NFATC3: variants seen among roughly 807,000 people sequenced by gnomAD.
NFATC3 encodes the protein nuclear factor of activated T cells 3.
NFATC3 carries 46 observed loss-of-function variants against 98.6 expected under a neutral mutation model. The observed-to-expected ratio is 0.47, with a 90% CI of 0.37 to 0.60. The LOEUF is 0.60. NFATC3 is among the 20% of genes least tolerant of loss of function. The pLI is 0.00. For missense variants in NFATC3, 1,256 were observed against 1,295.5 expected, an observed-to-expected ratio of 0.97 and a Z score of 0.47; for synonymous variants, 512 against 472.2, an observed-to-expected ratio of 1.08 and a Z score of -1.09.
intron 1 of NFATC3, among the ~76,000 whole-genome samples, chr16:68,109,797 T>A (rs1464423480): frequency 6.6e-6 from 1 of 152,260 alleles, no homozygotes; most frequent in African/African-American, 2.4e-5. Context: ...TCTGGTTCAG[T>A]CTTAGGAGGG....
At position 68,226,914 on chromosome 16, in the gene NFATC3, A is replaced by AAAAAAAAAAG. The variant is rs1363945756; in HGVS notation, c.*458_*467dup. 2.2e-5 allele frequency: 3 copies of AAAAAAAAAAG among 134,216 alleles called. No individual in the cohort carries two copies. Among genetic ancestry groups the AAAAAAAAAAG allele is most frequent in the African/African-American group, 7.6e-5 (3 of 39,530 alleles). The allele number at this position is 134,216 out of a possible 1,614,324, so 8.3% of individuals were successfully genotyped here. A position where few individuals can be genotyped will look rare whatever the true frequency, so the allele number is the denominator to read the frequency against. ...TCTAGAAGCAAAAAAAAAAAAAAAA[A>AAAAAAAAAAG]AAAAAAAAAGAAAAAAAAAGAAAAG... On this transcript the variant is annotated 3_prime_UTR_variant, in exon 10 of 10. Transcript: ENST00000346183.
intron 3 of NFATC3, 93 bp downstream of exon 3, chr16:68,126,703 C>A (rs889489746): frequency 7.9e-7 from 1 of 1,270,260 alleles, no homozygotes; most frequent in Non-Finnish European, 1.1e-6. Flanking sequence ...GTGCAAAGAG[C>A]ATAAACTCAA....
Position 68,085,519 on chromosome 16 carries a change from G to A in NFATC3, c.-163G>A. Reference sequence around the variant, plus strand: ...TCGGCGCGCGGCCAGCTTTCGGAACGGAACGCTCGGCGTCGCGGGCCCCGC... The same window carrying A: ...TCGGCGCGCGGCCAGCTTTCGGAACAGAACGCTCGGCGTCGCGGGCCCCGC... On this transcript the variant is annotated 5_prime_UTR_variant, in exon 1 of 10. Transcript: ENST00000346183. The A allele has an allele frequency of 1.7e-6, 1 of 575,632 alleles. No homozygotes were observed. The highest frequency in any genetic ancestry group is 2.8e-6 in the Non-Finnish European group (1 of 352,812). The allele number at this position is 575,632 out of a possible 1,614,324, so 35.7% of individuals were successfully genotyped here. A position where few individuals can be genotyped will look rare whatever the true frequency, so the allele number is the denominator to read the frequency against.
At chr16:68,179,806 G>A (rs1177467904) in intron 6 of NFATC3, among the ~76,000 whole-genome samples, 2 of 152,164 alleles carry the variant, frequency 1.3e-5, no homozygotes, top group East Asian at 3.8e-4. Context: ...ATTTTGACAA[G>A]TCAAGGGATC....
intron 1 of NFATC3, among the ~76,000 whole-genome samples, chr16:68,092,466 AT>A (rs1184679683): frequency 1.3e-5 from 2 of 150,236 alleles, no homozygotes; most frequent in African/African-American, 2.5e-5. Context: ...AAAAAAAAAA[AT>A]AAATAAATAA....
chr16:68,167,206 G>A (rs900335237), intron 5 of NFATC3, among the ~76,000 whole-genome samples, 191 bp downstream of exon 5: 4 of 152,174 alleles, frequency 2.6e-5, no homozygotes, highest in Non-Finnish European at 5.9e-5. Context: ...TTAGAAAATG[G>A]TTTCTCATGA....
At chr16:68,182,235 C>T (rs2039979363) in intron 7 of NFATC3, among the ~76,000 whole-genome samples, 2 of 152,274 alleles carry the variant, frequency 1.3e-5, no homozygotes, top group Non-Finnish European at 2.9e-5. Context: ...GAATTGTGTA[C>T]TTAACACATA....
intron 1 of NFATC3, among the ~76,000 whole-genome samples, chr16:68,092,870 A>T (rs1401040294): frequency 1.3e-5 from 2 of 152,138 alleles, no homozygotes; most frequent in Admixed American, 1.3e-4. Context: ...TGGCTGGTAA[A>T]TTTTGCCACT....
intron 3 of NFATC3, chr16:68,138,551 C>T (rs1326658345): frequency 2.3e-6 from 3 of 1,288,870 alleles, no homozygotes; most frequent in Non-Finnish European, 2.0e-6. Flanking sequence ...GTCTTTGATG[C>T]ACAGCTTCTA....
intron 2 of NFATC3, 73 bp downstream of exon 2, chr16:68,123,194 A>G (rs990963656): frequency 7.0e-5 from 101 of 1,450,070 alleles, no homozygotes; most frequent in Non-Finnish European, 9.0e-5. Context: ...CTACATTATC[A>G]GTATATAATG....
intron 9 of NFATC3, among the ~76,000 whole-genome samples, chr16:68,223,026 A>G (rs946770949): frequency 3.9e-5 from 6 of 152,198 alleles, no homozygotes; most frequent in African/African-American, 1.4e-4. Context: ...TATGTACTGT[A>G]TAAGAGGTAT....
chr16:68,217,586 T>C, intron 9 of NFATC3: 1 of 1,174,518 alleles, frequency 8.5e-7, no homozygotes, highest in Non-Finnish European at 1.1e-6. Flanking sequence ...TTTTTGTTAA[T>C]AGTATTAGCT....
At chr16:68,109,565 G>A (rs1251145934) in intron 1 of NFATC3, among the ~76,000 whole-genome samples, 2 of 152,128 alleles carry the variant, frequency 1.3e-5, no homozygotes, top group African/African-American at 2.4e-5. Flanking sequence ...TCAGGTTTTG[G>A]TATCAGGATA....
rs1408012005 is a variant in NFATC3 at position 68,158,802 on chromosome 16, A to G, written c.1601+734A>G. ...GAGAAAGGTGTGGAGGAAGGGTAAAAGGGAACTTCCATTGGAGTCAAATCC... is the reference window on the plus strand; with the variant it reads ...GAGAAAGGTGTGGAGGAAGGGTAAAGGGGAACTTCCATTGGAGTCAAATCC... On this transcript the variant is annotated intron_variant, in intron 4 of 9. Coordinates refer to ENST00000346183, the MANE Select transcript of NFATC3 (RefSeq NM_173165.3). Among the ~76,000 whole-genome samples, 3 of 152,298 alleles carry G rather than the reference A, an allele frequency of 2.0e-5. No homozygotes were observed. In the East Asian group the frequency reaches 5.8e-4, roughly 29 times the overall value.
chr16:68,183,349 G>A lies in NFATC3; in HGVS notation c.2081G>A (p.Arg694His), dbSNP rs757423907. The change falls in exon 8 of 10, where the codon CGT (arginine) becomes CAT (histidine). Residue 694 changes from arginine to histidine, a missense_variant. Coordinates refer to ENST00000346183, the MANE Select transcript of NFATC3 (RefSeq NM_173165.3). ...AAGAGGAAAAAAAGCCAGTCTCAAC[G>A]TTTTACTTATACACCAGGTACGAGG... ...NGKRKKSQSQ[R>H]FTYTPVLMKQ... 12 of 1,613,002 alleles carry A rather than the reference G, an allele frequency of 7.4e-6. No homozygotes were observed. The highest frequency in any genetic ancestry group is 2.7e-5 in the African/African-American group (2 of 74,914).
intron 1 of NFATC3, among the ~76,000 whole-genome samples, chr16:68,101,827 T>G (rs969434713): frequency 6.6e-6 from 1 of 152,108 alleles, no homozygotes; most frequent in Non-Finnish European, 1.5e-5. Flanking sequence ...TTTTGACACA[T>G]CAATTCGTCT....
intron 1 of NFATC3, among the ~76,000 whole-genome samples, chr16:68,113,490 C>T (rs1462774123): frequency 2.0e-5 from 3 of 152,172 alleles, no homozygotes; most frequent in South Asian, 2.1e-4. Context: ...CCAGAAGGCA[C>T]GGAGCTGATG....
At chr16:68,127,814 G>A (rs751972464) in intron 3 of NFATC3, among the ~76,000 whole-genome samples, 11 of 152,036 alleles carry the variant, frequency 7.2e-5, no homozygotes, top group Non-Finnish European at 1.3e-4. Context: ...ACTCTGAAAA[G>A]TAAAGTAATT....
chr16:68,090,761 G>A (rs778896417), intron 1 of NFATC3, among the ~76,000 whole-genome samples: 25 of 152,118 alleles, frequency 1.6e-4, no homozygotes, highest in Non-Finnish European at 3.1e-4. Flanking sequence ...AAATTTAATG[G>A]TGTGTTTGTA....
Sources: gnomAD v4.1 joint callset for allele counts (sites outside exome capture counted in the v4.1 genomes callset) on GRCh38, gnomAD v4.1.1 for gene constraint, MANE v1.5 for transcripts, NCBI Gene and HGNC (gene_info 2026-07-23, HGNC 2026-07-21) for gene names.